The following ITPKC variants were observed in gnomAD, a reference collection of about 807,000 sequenced individuals.
ITPKC encodes IP3 3-kinase C.
ITPKC carries 33 observed loss-of-function variants against 67.1 expected under a neutral mutation model. The observed-to-expected ratio is 0.49, with a 90% CI of 0.37 to 0.66. The LOEUF is 0.66. Among genes scored for constraint, ITPKC ranks in the 30% least tolerant of loss-of-function variants. ITPKC has a pLI of 0.00. For missense variants in ITPKC, 820 were observed against 892.1 expected (o/e 0.92, Z 1.03); for synonymous variants, 341 against 359.8 (o/e 0.95, Z 0.59).
intron 1 of ITPKC, 28 bp downstream of exon 1, chr19:40,718,318 C>A (rs766544397): frequency 2.0e-6 from 3 of 1,492,934 alleles, no homozygotes; most frequent in Non-Finnish European, 2.7e-6. Context: ...TGCCCTTGAG[C>A]CACATCACGC....
intron 2 of ITPKC, among the ~76,000 whole-genome samples, chr19:40,727,053 C>T (rs12976551): frequency 0.46 from 69,704 of 151,772 alleles, 16,787 homozygotes; most frequent in South Asian, 0.58. Flanking sequence ...AAAATAAATA[C>T]GCCAGGGGCG....
Position 40,733,209 on chromosome 19 carries a change from C to T in ITPKC, c.1519C>T (p.Arg507Trp), listed in dbSNP as rs1299689247. 4.3e-6 allele frequency: 7 copies of T among 1,614,094 alleles called. No homozygotes were observed. The highest frequency in any genetic ancestry group is 2.7e-5 in the African/African-American group (2 of 74,938). The change falls in exon 4 of 7, where the codon CGG becomes TGG. Residue 507 changes from arginine to tryptophan, a missense_variant. Transcript: ENST00000263370. Reference sequence around the variant, plus strand: ...GAAGGCACGGGAACGTCCCCGTCCCCGGAAGGACATGTATGAGAAGATGGT... The same window carrying T: ...GAAGGCACGGGAACGTCCCCGTCCCTGGAAGGACATGTATGAGAAGATGGT... ...LVKARERPRPRKDMYEKMVAV... is the reference protein window; with the variant it reads ...LVKARERPRPWKDMYEKMVAV...
chr19:40,729,452 CA>C (rs1020544429), intron 3 of ITPKC, 37 bp downstream of exon 3: 2 of 1,553,830 alleles, frequency 1.3e-6, no homozygotes, highest in African/African-American at 2.7e-5. Flanking sequence ...GGATGGAGGG[CA>C]GGGGGTGGGC....
chr19:40,721,219 G>A (rs1026350599), intron 1 of ITPKC, among the ~76,000 whole-genome samples: 1 of 152,128 alleles, frequency 6.6e-6, no homozygotes, highest in Non-Finnish European at 1.5e-5. Context: ...ACAGTTCAGA[G>A]TGGTCAGGAG....
chr19:40,730,338 CACACACACAG>C (rs2082265044), intron 3 of ITPKC, among the ~76,000 whole-genome samples: 1 of 152,202 alleles, frequency 6.6e-6, no homozygotes, highest in African/African-American at 2.4e-5. Flanking sequence ...CACACAGACA[CACACACACAG>C]ACACACACAT....
chr19:40,723,468 T>C (rs1397903410), intron 1 of ITPKC, among the ~76,000 whole-genome samples: 1 of 151,516 alleles, frequency 6.6e-6, no homozygotes, highest in Admixed American at 6.6e-5. Context: ...TTACTTTGTA[T>C]CTCTCTCTTT....
In ITPKC at chr19:40,725,330, C is replaced by T; in HGVS notation, c.1156-10C>T. The T allele has an allele frequency of 6.3e-7, 1 of 1,592,694 alleles. No individual in the cohort carries two copies. The highest frequency in any genetic ancestry group is 8.6e-7 in the Non-Finnish European group (1 of 1,160,558). On this transcript the variant is annotated splice_polypyrimidine_tract_variant and intron_variant, in intron 1 of 6. Transcript: ENST00000263370. ...TTGGCCCTGACCCCACCCTGCTCTG[C>T]TCCCTACAGAGCAAACCCTGGAAGA... is the stretch of plus-strand genomic sequence containing the variant.
Position 40,717,984 on chromosome 19 carries a change from C to T in ITPKC, c.849C>T (p.Asp283=), listed in dbSNP as rs1485835396. 3 of 1,614,188 alleles carry T rather than the reference C, an allele frequency of 1.9e-6. No homozygotes were observed. The highest frequency in any genetic ancestry group is 4.5e-5 in the East Asian group (2 of 44,888). Residue 283 remains aspartate (D), a synonymous_variant, in exon 1 of 7, where the codon GAC becomes GAT. Coordinates refer to ENST00000263370, the MANE Select transcript of ITPKC (RefSeq NM_025194.3). The part of the protein sequence containing the change: ...TDGSWTQPST[D]GSQTAPGTDC... ...GCTCCTGGACACAACCTAGCACTGA[C>T]GGTTCCCAGACAGCACCTGGGACAG...
intron 6 of ITPKC, among the ~76,000 whole-genome samples, chr19:40,738,202 GC>G (rs1194908468): frequency 1.3e-5 from 2 of 152,160 alleles, no homozygotes; most frequent in African/African-American, 2.4e-5. Flanking sequence ...GCCGAGGTGA[GC>G]AGATCACGAG....
intron 3 of ITPKC, 132 bp downstream of exon 3, chr19:40,729,547 C>G (rs1336713086): frequency 1.3e-6 from 1 of 763,788 alleles, no homozygotes; most frequent in African/African-American, 1.7e-5. Flanking sequence ...TGGTGGATCA[C>G]CTGAGGTTGG....
intron 4 of ITPKC, among the ~76,000 whole-genome samples, chr19:40,733,797 T>C (rs1247744839): frequency 6.6e-6 from 1 of 152,176 alleles, no homozygotes. Flanking sequence ...CTCATGCCTG[T>C]AATCCCAGCA....
rs5828077 is a variant in ITPKC at position 40,719,367 on chromosome 19, G to GAATAATAAT, written c.1155+1098_1155+1106dup. On this transcript the variant is annotated intron_variant, in intron 1 of 6. Coordinates refer to ENST00000263370, the MANE Select transcript of ITPKC (RefSeq NM_025194.3). Reference sequence around the variant, plus strand: ...CAGAACAGCTGAGCTGGAAGTGGGTGAATAATAATAATAATAATAATAATA... The same window carrying GAATAATAAT: ...CAGAACAGCTGAGCTGGAAGTGGGTGAATAATAATAATAATAATAATAATAATAATAATA... Among the ~76,000 whole-genome samples, 1,244 of 150,128 alleles carry GAATAATAAT rather than the reference G, an allele frequency of 8.3e-3. 17 individuals carry two copies. The highest frequency in any genetic ancestry group is 0.028 in the African/African-American group (1,140 of 40,712).
intron 4 of ITPKC, among the ~76,000 whole-genome samples, chr19:40,735,579 G>A (rs2082290743): frequency 6.6e-6 from 1 of 151,954 alleles, no homozygotes; most frequent in African/African-American, 2.4e-5. Flanking sequence ...TGCTTCCTCA[G>A]GGAAGCCCTC....
chr19:40,724,120 A>C (rs938145576), intron 1 of ITPKC, among the ~76,000 whole-genome samples: 7 of 152,142 alleles, frequency 4.6e-5, no homozygotes, highest in African/African-American at 7.2e-5. Flanking sequence ...TAATTGGCCA[A>C]AGCAAGGCCA....
chr19:40,733,453 C>A, intron 4 of ITPKC, 89 bp downstream of exon 4: 1 of 1,235,800 alleles, frequency 8.1e-7, no homozygotes, highest in Non-Finnish European at 1.1e-6. Context: ...CGAGAGAGTG[C>A]AGGAGACGGC....
intron 4 of ITPKC, among the ~76,000 whole-genome samples, chr19:40,736,237 C>A (rs1459612502): frequency 6.6e-6 from 1 of 151,964 alleles, no homozygotes; most frequent in Non-Finnish European, 1.5e-5. Flanking sequence ...TTGCAGTGAG[C>A]CCAGGTTGCA....
rs148795526 is a variant in ITPKC at position 40,739,040 on chromosome 19, ATT to A, written c.1849-316_1849-315del. ...CCAATGTGCAACTTAAAACTTACACATTGTTTGTTTCTGGAATTTTCCACTTA... is the reference window on the plus strand; with the variant it reads ...CCAATGTGCAACTTAAAACTTACACAGTTTGTTTCTGGAATTTTCCACTTA... On this transcript the variant is annotated intron_variant, in intron 6 of 6. Transcript: ENST00000263370. 1.4e-4 allele frequency among the ~76,000 whole-genome samples: 21 copies of A among 152,290 alleles called. No individual in the cohort carries two copies. The East Asian group carries it at 1.9e-3, about 14-fold the overall frequency.
At chr19:40,721,138 A>C (rs1397785092) in intron 1 of ITPKC, among the ~76,000 whole-genome samples, 3 of 151,892 alleles carry the variant, frequency 2.0e-5, no homozygotes, top group African/African-American at 7.3e-5. Flanking sequence ...TTTGCTGGGG[A>C]AACAGCAGTG....
At chr19:40,722,352 T>G (rs955678475) in intron 1 of ITPKC, among the ~76,000 whole-genome samples, 2 of 152,034 alleles carry the variant, frequency 1.3e-5, no homozygotes, top group Non-Finnish European at 2.9e-5. Flanking sequence ...ACACTGAGTC[T>G]TTGTCATTGT....
Sources: gnomAD v4.1 joint callset for allele counts (sites outside exome capture counted in the v4.1 genomes callset) on GRCh38, gnomAD v4.1.1 for gene constraint, MANE v1.5 for transcripts, NCBI Gene and HGNC (gene_info 2026-07-23, HGNC 2026-07-21) for gene names.